The following TENM3 variants were observed in gnomAD, a reference collection of about 807,000 sequenced individuals.
TENM3 encodes the protein teneurin-3.
TENM3 carries 63 observed loss-of-function variants against 255.1 expected under a neutral mutation model. The ratio of observed to expected loss-of-function variants is 0.25; its 90% confidence interval spans 0.20 to 0.30. TENM3 has a LOEUF of 0.30. TENM3 is among the 10% of genes least tolerant of loss of function. The pLI is 1.00. For synonymous variants in TENM3, 1,306 were observed against 1,322.3 expected, an observed-to-expected ratio of 0.99 and a Z score of 0.27; for missense variants, 2,929 against 3,461.1, an observed-to-expected ratio of 0.85 and a Z score of 3.86.
At chr4:182,587,803 T>G in intron 3 of TENM3, among the ~76,000 whole-genome samples, 1 of 152,168 alleles carries the variant, frequency 6.6e-6, no homozygotes, top group East Asian at 1.9e-4. Context: ...AAATCTGAAA[T>G]AAATTTAAGT....
At chr4:182,065,448 G>C in the TENM3 span, among the ~76,000 whole-genome samples, 2 of 152,254 alleles carry the variant, frequency 1.3e-5, no homozygotes, top group African/African-American at 4.8e-5. Flanking sequence ...AGAAGGCCAA[G>C]GGGGAGCACG....
chr4:182,058,906 A>G, the TENM3 span, among the ~76,000 whole-genome samples: 1 of 151,482 alleles, frequency 6.6e-6, no homozygotes, highest in African/African-American at 2.4e-5. Context: ...ACTGTTTTTG[A>G]AGGAGCTAAA....
At chr4:181,710,841 G>T in the TENM3 span, among the ~76,000 whole-genome samples, 1 of 148,734 alleles carries the variant, frequency 6.7e-6, no homozygotes, top group African/African-American at 2.5e-5. Flanking sequence ...GAGCCACCGC[G>T]CCCGGCCGAG....
At chr4:181,600,386 C>G in the TENM3 span, among the ~76,000 whole-genome samples, 1 of 152,138 alleles carries the variant, frequency 6.6e-6, no homozygotes, top group African/African-American at 2.4e-5. Context: ...CCTGCTGCAA[C>G]CACTGCCCCA....
At chr4:182,278,745 C>A (rs550345368) in intron 1 of TENM3, among the ~76,000 whole-genome samples, 1 of 151,936 alleles carries the variant, frequency 6.6e-6, no homozygotes, top group African/African-American at 2.4e-5. Flanking sequence ...ATGCCTCCAG[C>A]GCATACAGTG....
chr4:182,285,652 C>G (rs1005618143), intron 1 of TENM3, among the ~76,000 whole-genome samples: 1 of 152,148 alleles, frequency 6.6e-6, no homozygotes, highest in Non-Finnish European at 1.5e-5. Context: ...CATGTAGCAA[C>G]AGAGCTGTTT....
the TENM3 span, among the ~76,000 whole-genome samples, chr4:181,568,380 C>T: frequency 5.9e-5 from 9 of 152,052 alleles, no homozygotes; most frequent in African/African-American, 2.2e-4. Context: ...TTAGTAGAGA[C>T]AGGGTCTCAC....
the TENM3 span, among the ~76,000 whole-genome samples, chr4:181,747,478 A>G: frequency 2.6e-5 from 4 of 152,074 alleles, no homozygotes; most frequent in African/African-American, 9.7e-5. Context: ...GTACAATATC[A>G]TATCCAAGAA....
the TENM3 span, among the ~76,000 whole-genome samples, chr4:181,890,493 T>C: frequency 6.7e-6 from 1 of 149,692 alleles, no homozygotes; most frequent in Admixed American, 6.8e-5. Flanking sequence ...TCCCTTACTA[T>C]CTTAGCTTTA....
At chr4:182,615,059 A>ATG (rs1749361584) in intron 4 of TENM3, among the ~76,000 whole-genome samples, 2 of 125,454 alleles carry the variant, frequency 1.6e-5, no homozygotes, top group South Asian at 5.3e-4. Flanking sequence ...ATATATATAT[A>ATG]TATATATGTA....
intron 3 of TENM3, among the ~76,000 whole-genome samples, chr4:182,576,671 C>T (rs985599682): frequency 1.1e-4 from 17 of 152,076 alleles, no homozygotes; most frequent in Non-Finnish European, 1.9e-4. Context: ...TGAATCTGGC[C>T]CTGCATGTTT....
At chr4:181,565,057 C>G in the TENM3 span, among the ~76,000 whole-genome samples, 4 of 152,184 alleles carry the variant, frequency 2.6e-5, no homozygotes, top group Admixed American at 6.5e-5. Flanking sequence ...TTTCAGTTTG[C>G]TTATTTATTT....
rs561239546 is a variant in TENM3, at chr4:182,381,624, C to T, written c.511+34695C>T. Among the ~76,000 whole-genome samples the T allele has an allele frequency of 9.0e-4, 124 of 138,110 alleles. 1 individual carries two copies. The highest frequency in any genetic ancestry group is 3.8e-3 in the Middle Eastern group (1 of 260). The allele number at this position is 138,110 out of a possible 152,430, so 90.6% of individuals were successfully genotyped here. ...AGGCTGGAGTGCAATGGTGTGATCT[C>T]GATCTCGGCTCACTGCAACATCCGC... On this transcript the variant is annotated intron_variant, in intron 3 of 27. Transcript: ENST00000511685.
chr4:181,838,464 T>C, the TENM3 span, among the ~76,000 whole-genome samples: 1 of 152,206 alleles, frequency 6.6e-6, no homozygotes, highest in Non-Finnish European at 1.5e-5. Flanking sequence ...CTTTCTCTTC[T>C]TTTTTACATT....
the TENM3 span, among the ~76,000 whole-genome samples, chr4:181,678,860 G>T: frequency 6.9e-6 from 1 of 145,350 alleles, no homozygotes; most frequent in African/African-American, 2.5e-5. Flanking sequence ...AAAAAACAGA[G>T]AAAACATGAT....
chr4:182,520,454 T>C (rs967861729), intron 3 of TENM3, among the ~76,000 whole-genome samples: 2 of 152,238 alleles, frequency 1.3e-5, no homozygotes, highest in Non-Finnish European at 1.5e-5. Flanking sequence ...CTTCAAAGAT[T>C]TCATATTGCT....
chr4:181,841,571 C>T, the TENM3 span, among the ~76,000 whole-genome samples: 28 of 152,238 alleles, frequency 1.8e-4, 1 homozygote, highest in African/African-American at 6.7e-4. Flanking sequence ...CTGGCACTTA[C>T]GTGCTTTTCT....
chr4:182,755,764 C>T (rs1327345951), intron 22 of TENM3, among the ~76,000 whole-genome samples: 5 of 151,934 alleles, frequency 3.3e-5, no homozygotes, highest in Non-Finnish European at 2.9e-5. Context: ...GGCGTGAACC[C>T]GGGAGGCGCA....
chr4:181,481,077 G>A, the TENM3 span, among the ~76,000 whole-genome samples: 2 of 151,576 alleles, frequency 1.3e-5, no homozygotes, highest in Non-Finnish European at 2.9e-5. Context: ...TTGAATGAAA[G>A]TATACCTACT....
Sources: gnomAD v4.1 joint callset for allele counts (sites outside exome capture counted in the v4.1 genomes callset) on GRCh38, gnomAD v4.1.1 for gene constraint, MANE v1.5 for transcripts, NCBI Gene and HGNC (gene_info 2026-07-23, HGNC 2026-07-21) for gene names.